SRP54: variants seen among roughly 807,000 people sequenced by gnomAD.
SRP54 encodes signal recognition particle subunit SRP54.
SRP54 carries 10 observed loss-of-function variants against 64.8 expected under a neutral mutation model. The observed-to-expected ratio is 0.15, with a 90% CI of 0.10 to 0.26. The LOEUF (loss-of-function observed/expected upper bound fraction) is 0.26. Among genes scored for constraint, SRP54 ranks in the 10% least tolerant of loss-of-function variants. The probability of loss-of-function intolerance (pLI) is 1.00; values close to 1 mark genes in which losing one functional copy is unlikely to be tolerated. For missense variants in SRP54, 325 were observed against 613.7 expected (o/e 0.53, Z 4.97); for synonymous variants, 193 against 185.6 (o/e 1.04, Z -0.32).
At chr14:35,003,000 C>T (rs2044201993) in intron 4 of SRP54, among the ~76,000 whole-genome samples, 1 of 152,076 alleles carries the variant, frequency 6.6e-6, no homozygotes, top group South Asian at 2.1e-4. Context: ...CCTGCCTTGG[C>T]CTCCCAAAGT....
chr14:35,026,528 C>A (rs77262907), intron 14 of SRP54, among the ~76,000 whole-genome samples: 1 of 152,064 alleles, frequency 6.6e-6, no homozygotes, highest in African/African-American at 2.4e-5. Flanking sequence ...CCCACCTCAC[C>A]CAGGCTGCAT....
At chr14:35,013,944 A>G (rs1595004756) in intron 10 of SRP54, 42 bp downstream of exon 10, 1 of 1,347,934 alleles carries the variant, frequency 7.4e-7, no homozygotes. Context: ...TCCAAGAAAT[A>G]CGATGTATCT....
chr14:34,994,363 T>C (rs1490492846), intron 1 of SRP54, among the ~76,000 whole-genome samples: 4 of 152,184 alleles, frequency 2.6e-5, no homozygotes, highest in Non-Finnish European at 4.4e-5. Context: ...ATAATCTTGG[T>C]TGACTAAATT....
intron 1 of SRP54, among the ~76,000 whole-genome samples, chr14:34,989,538 C>CT (rs1236959877): frequency 6.6e-6 from 1 of 152,030 alleles, no homozygotes; most frequent in African/African-American, 2.4e-5. Context: ...TCATTAGACT[C>CT]TGTTTATATA....
chr14:34,998,268 A>G (rs1415327566), intron 2 of SRP54, among the ~76,000 whole-genome samples: 3 of 152,232 alleles, frequency 2.0e-5, no homozygotes, highest in Admixed American at 6.5e-5. Flanking sequence ...TCCTAACCTC[A>G]TAGAGTTTAC....
intron 4 of SRP54, 92 bp from the exon 5 acceptor site, chr14:35,007,191 C>T: frequency 1.3e-6 from 1 of 762,058 alleles, no homozygotes; most frequent in Non-Finnish European, 2.1e-6. Context: ...GTGACCCTGT[C>T]TCAAAAAAGG....
intron 4 of SRP54, among the ~76,000 whole-genome samples, chr14:35,002,866 C>T (rs898672011): frequency 1.3e-5 from 2 of 151,534 alleles, no homozygotes; most frequent in Non-Finnish European, 2.9e-5. Context: ...GCCTCAGTGC[C>T]CCCCAAGTAG....
rs753225248 is a variant in SRP54 at position 35,019,079 on chromosome 14, G to A, written c.1156+5G>A. 6.3e-7 allele frequency: 1 copy of A among 1,597,948 alleles called. No homozygotes were observed. Reference sequence around the variant, plus strand: ...TGGATAGTATGAATGATCAAGGTAAGATGGCAGATTATTTTCCTCAGGCAA... The same window carrying A: ...TGGATAGTATGAATGATCAAGGTAAAATGGCAGATTATTTTCCTCAGGCAA... On this transcript the variant is annotated splice_donor_5th_base_variant and intron_variant, in intron 13 of 15. Coordinates refer to ENST00000216774, the MANE Select transcript of SRP54 (RefSeq NM_003136.4).
At chr14:34,995,134 G>GGTGTGTGTGTGTGTGT (rs35829734) in intron 1 of SRP54, among the ~76,000 whole-genome samples, 13 of 70,328 alleles carry the variant, frequency 1.8e-4, no homozygotes, top group Middle Eastern at 7.9e-3. Flanking sequence ...ATCAATAAAG[G>GGTGTGTGTGTGTGTGT]GTGTGTGTGT....
chr14:35,021,561 A>C (rs1258765148), intron 13 of SRP54, among the ~76,000 whole-genome samples: 1 of 151,590 alleles, frequency 6.6e-6, no homozygotes, highest in South Asian at 2.1e-4. Flanking sequence ...TGAACCCTGG[A>C]GGTGGTGGTT....
chr14:34,987,286 T>TACAC (rs374149631), intron 1 of SRP54, among the ~76,000 whole-genome samples: 28 of 100,092 alleles, frequency 2.8e-4, no homozygotes, highest in African/African-American at 8.5e-4. Flanking sequence ...TATATATATA[T>TACAC]ACACACACAC....
intron 4 of SRP54, among the ~76,000 whole-genome samples, chr14:35,005,425 T>C (rs986974056): frequency 3.9e-5 from 6 of 152,224 alleles, no homozygotes; most frequent in African/African-American, 1.2e-4. Flanking sequence ...GTAATAACTT[T>C]ACAGCCTGTT....
chr14:35,019,485 C>T (rs1228557465), intron 13 of SRP54: 1 of 156,084 alleles, frequency 6.4e-6, no homozygotes, highest in Non-Finnish European at 1.4e-5. Flanking sequence ...AGTTTAAGAC[C>T]AACCTGGCCA....
At chr14:35,006,654 G>C (rs1003980393) in intron 4 of SRP54, among the ~76,000 whole-genome samples, 1 of 152,004 alleles carries the variant, frequency 6.6e-6, no homozygotes, top group African/African-American at 2.4e-5. Context: ...ATACATTTTT[G>C]TATTACATTT....
At chr14:35,022,766 T>A (rs1291821306) in intron 13 of SRP54, 144 bp from the exon 14 acceptor site, 1 of 543,844 alleles carries the variant, frequency 1.8e-6, no homozygotes, top group Non-Finnish European at 3.0e-6. Flanking sequence ...TGTAAGATAT[T>A]TTGTAATATA....
At chr14:35,002,715 A>G (rs113020664) in intron 4 of SRP54, among the ~76,000 whole-genome samples, 14 of 144,440 alleles carry the variant, frequency 9.7e-5, no homozygotes, top group African/African-American at 3.6e-4. Flanking sequence ...GACTACAACC[A>G]TGAGTCACTG....
chr14:35,007,643 A>ATATTTATATT (rs2044283310), intron 5 of SRP54, among the ~76,000 whole-genome samples: 1 of 73,856 alleles, frequency 1.4e-5, no homozygotes, highest in South Asian at 4.8e-4. Flanking sequence ...TTTATATTAT[A>ATATTTATATT]ATAAAATATA....
At chr14:35,010,345 C>T (rs2044335916) in intron 7 of SRP54, among the ~76,000 whole-genome samples, 1 of 152,062 alleles carries the variant, frequency 6.6e-6, no homozygotes, top group South Asian at 2.1e-4. Flanking sequence ...ACTCAGGAGG[C>T]TGAGGCAAGA....
At position 34,983,080 on chromosome 14, in the gene SRP54, C is replaced by G. The variant is rs879118487; in HGVS notation, c.-169C>G. The G allele has an allele frequency of 1.3e-5, 2 of 152,292 alleles. No individual in the cohort carries two copies. The highest frequency in any genetic ancestry group is 2.9e-5 in the Non-Finnish European group (2 of 68,084). The allele number at this position is 152,292 out of a possible 1,614,324, so 9.4% of individuals were successfully genotyped here. A position where few individuals can be genotyped will look rare whatever the true frequency, so the allele number is the denominator to read the frequency against. On this transcript the variant is annotated 5_prime_UTR_variant, in exon 1 of 16. It adds an upstream start codon to the 5' untranslated region. Coordinates refer to ENST00000216774, the MANE Select transcript of SRP54 (RefSeq NM_003136.4). ...GCTGGGCGTTGGGACCCTACTTTAT[C>G]TAGTTCGGGAAGTTGGGTTGTGGGG...
Sources: allele counts gnomAD v4.1 joint callset (sites outside exome capture counted in the v4.1 genomes callset), GRCh38; gene constraint gnomAD v4.1.1; transcripts MANE v1.5; gene names NCBI Gene and HGNC (gene_info 2026-07-23, HGNC 2026-07-21).